TMTC1: variants seen among roughly 807,000 people sequenced by gnomAD.
TMTC1 encodes transmembrane O-mannosyltransferase targeting cadherins 1.
A neutral mutation model predicts 104.8 loss-of-function variants in TMTC1; 73 were observed. The ratio of observed to expected loss-of-function variants is 0.70; its 90% CI spans 0.58 to 0.85. The LOEUF is 0.85. TMTC1 is among the 40% of genes least tolerant of loss of function. The pLI is 0.00. For synonymous variants in TMTC1, 434 were observed against 428.7 expected, an observed-to-expected ratio of 1.01 and a Z score of -0.15; for missense variants, 1,035 against 1,096.1, an observed-to-expected ratio of 0.94 and a Z score of 0.79.
At chr12:29,700,235 T>G (rs965163646) in intron 5 of TMTC1, among the ~76,000 whole-genome samples, 5 of 151,130 alleles carry the variant, frequency 3.3e-5, no homozygotes, top group South Asian at 2.1e-4. Flanking sequence ...TTCTTTTTTT[T>G]TTTGTTTTTT....
At chr12:29,767,817 T>TAC (rs1242390483) in intron 2 of TMTC1, 81 bp downstream of exon 2, 10 of 1,261,512 alleles carry the variant, frequency 7.9e-6, no homozygotes, top group Admixed American at 1.9e-5. Context: ...TACATGTATA[T>TAC]ATATGTGTGT....
intron 6 of TMTC1, among the ~76,000 whole-genome samples, chr12:29,630,686 A>G (rs1938252315): frequency 6.6e-6 from 1 of 152,218 alleles, no homozygotes; most frequent in Non-Finnish European, 1.5e-5. Flanking sequence ...TTAGGTCATT[A>G]GATTTTTCCC....
At chr12:29,677,769 C>T (rs573876995) in intron 5 of TMTC1, among the ~76,000 whole-genome samples, 37 of 152,328 alleles carry the variant, frequency 2.4e-4, no homozygotes, top group African/African-American at 8.7e-4. Context: ...GTTATCAGAT[C>T]GACTGCCGCA....
chr12:29,650,210 G>A (rs1230781963), intron 5 of TMTC1, among the ~76,000 whole-genome samples: 1 of 151,318 alleles, frequency 6.6e-6, no homozygotes, highest in Non-Finnish European at 1.5e-5. Flanking sequence ...TCAGCCTCCC[G>A]AGTAGCTGGG....
intron 7 of TMTC1, among the ~76,000 whole-genome samples, chr12:29,601,175 TG>T (rs370787628): frequency 0.047 from 7,169 of 152,228 alleles, 580 homozygotes; most frequent in African/African-American, 0.16. Flanking sequence ...ATTTAAGATA[TG>T]GCAGCATGGG....
intron 10 of TMTC1, among the ~76,000 whole-genome samples, chr12:29,541,908 C>T (rs1309605936): frequency 6.6e-6 from 1 of 152,108 alleles, no homozygotes; most frequent in African/African-American, 2.4e-5. Flanking sequence ...CCGCCTGCCT[C>T]GGCCTCCCAA....
intron 5 of TMTC1, among the ~76,000 whole-genome samples, chr12:29,638,388 T>A (rs1287241981): frequency 6.6e-6 from 1 of 152,014 alleles, no homozygotes; most frequent in Non-Finnish European, 1.5e-5. Context: ...AGGGAAAGAC[T>A]ACCTTCCCAC....
chr12:29,514,276 A>AT (rs1204234651), intron 16 of TMTC1, among the ~76,000 whole-genome samples: 3 of 152,216 alleles, frequency 2.0e-5, no homozygotes, highest in African/African-American at 7.2e-5. Context: ...AGAAAAATAA[A>AT]TGCGCAACTC....
chr12:29,571,020 GA>G (rs1245435290), intron 9 of TMTC1, among the ~76,000 whole-genome samples: 1 of 151,946 alleles, frequency 6.6e-6, no homozygotes, highest in Non-Finnish European at 1.5e-5. Context: ...ATGTAACAAT[GA>G]CACTATCAAA....
At chr12:29,550,933 CAAAAAAAAA>C (rs200605964) in intron 10 of TMTC1, among the ~76,000 whole-genome samples, 7 of 108,326 alleles carry the variant, frequency 6.5e-5, no homozygotes, top group African/African-American at 2.8e-4. Context: ...GACTCCATCT[CAAAAAAAAA>C]AAAAAAAAAA....
chr12:29,611,184 T>C (rs1409614), intron 6 of TMTC1, among the ~76,000 whole-genome samples: 3 of 151,012 alleles, frequency 2.0e-5, no homozygotes, highest in South Asian at 2.1e-4. Context: ...CTTCTTTTTT[T>C]TTTTTTTTTT....
intron 5 of TMTC1, among the ~76,000 whole-genome samples, chr12:29,663,992 C>T (rs1940158600): frequency 6.6e-6 from 1 of 151,642 alleles, no homozygotes; most frequent in African/African-American, 2.4e-5. Flanking sequence ...TCGAGACCAT[C>T]CCGGCTAAAA....
chr12:29,678,439 A>G (rs10843483), intron 5 of TMTC1, among the ~76,000 whole-genome samples: 118,434 of 152,060 alleles, frequency 0.78, 46,968 homozygotes, highest in African/African-American at 0.92. Flanking sequence ...CATAACATTT[A>G]AACACCCAAA....
intron 5 of TMTC1, among the ~76,000 whole-genome samples, chr12:29,680,780 T>G (rs1314458030): frequency 6.6e-6 from 1 of 152,142 alleles, no homozygotes; most frequent in Non-Finnish European, 1.5e-5. Flanking sequence ...GACTCTTAAG[T>G]AGGGGCAACC....
intron 6 of TMTC1, among the ~76,000 whole-genome samples, chr12:29,605,462 T>C (rs1158649254): frequency 6.7e-6 from 1 of 148,280 alleles, no homozygotes; most frequent in African/African-American, 2.5e-5. Context: ...AATGGATCTA[T>C]AAGTAATGAT....
intron 6 of TMTC1, among the ~76,000 whole-genome samples, chr12:29,611,174 CTTCT>C (rs955312706): frequency 4.3e-5 from 5 of 115,524 alleles, no homozygotes; most frequent in African/African-American, 2.2e-4. Flanking sequence ...TGGTTCTGAA[CTTCT>C]TTTTTTTTTT....
Position 29,504,323 on chromosome 12 carries a change from T to A in TMTC1, c.*2523A>T, listed in dbSNP as rs939265960. ...ATTTTTATTATAAAGGTAAGTTCCA[T>A]GTATTATTTCATGTTACAAGGACCA... On this transcript the variant is annotated 3_prime_UTR_variant, in exon 18 of 18. Coordinates refer to ENST00000539277, the MANE Select transcript of TMTC1 (RefSeq NM_001193451.2). 1 of 151,588 alleles carries A rather than the reference T, an allele frequency of 6.6e-6. No individual in the cohort carries two copies. The highest frequency in any genetic ancestry group is 2.4e-5 in the African/African-American group (1 of 41,212). 9.4% of individuals were successfully genotyped at this position (151,588 alleles called of 1,614,324 possible). A position where few individuals can be genotyped will look rare whatever the true frequency, so the allele number is the denominator to read the frequency against.
chr12:29,673,264 A>G (rs1379631461), intron 5 of TMTC1, among the ~76,000 whole-genome samples: 1 of 152,222 alleles, frequency 6.6e-6, no homozygotes, highest in Non-Finnish European at 1.5e-5. Context: ...CCTGAGAAGA[A>G]AGCTATAGCT....
chr12:29,511,953 C>T, intron 17 of TMTC1, 90 bp downstream of exon 17: 3 of 1,238,076 alleles, frequency 2.4e-6, no homozygotes, highest in South Asian at 2.4e-5. Context: ...AGGAAATTAA[C>T]AATAGTTCCT....
Sources: allele counts gnomAD v4.1 joint callset (sites outside exome capture counted in the v4.1 genomes callset), GRCh38; gene constraint gnomAD v4.1.1; transcripts MANE v1.5; gene names NCBI Gene and HGNC (gene_info 2026-07-23, HGNC 2026-07-21).